The following CSMD2 variants were observed in gnomAD, a reference collection of about 807,000 sequenced individuals.
The protein encoded by CSMD2 is CUB and Sushi multiple domains 2.
A neutral mutation model predicts 398.5 loss-of-function variants in CSMD2; 130 were observed. That is an observed-to-expected ratio of 0.33 (90% CI 0.28 to 0.38). The LOEUF (loss-of-function observed/expected upper bound fraction) is 0.38, where lower values mean the gene tolerates loss of function less well. Ranked by LOEUF, CSMD2 falls within the 10% of genes least tolerant of loss-of-function variation. The pLI is 1.00. For missense variants in CSMD2, 3,829 were observed against 4,764.9 expected, an observed-to-expected ratio of 0.80 and a Z score of 5.78; for synonymous variants, 1,828 against 1,908.5, an observed-to-expected ratio of 0.96 and a Z score of 1.10.
intron 2 of CSMD2, among the ~76,000 whole-genome samples, chr1:34,044,359 C>T (rs957881671): frequency 1.8e-4 from 27 of 152,108 alleles, no homozygotes; most frequent in African/African-American, 5.8e-4. Flanking sequence ...CAATGTAAAC[C>T]TTCAAGGCTG....
chr1:34,073,938 C>A (rs1484403455), intron 2 of CSMD2, among the ~76,000 whole-genome samples: 1 of 152,198 alleles, frequency 6.6e-6, no homozygotes, highest in Admixed American at 6.5e-5. Context: ...ACAATCACGG[C>A]ATAAGGCAAA....
intron 10 of CSMD2, among the ~76,000 whole-genome samples, chr1:33,809,995 C>T (rs1251826142): frequency 6.6e-6 from 1 of 151,900 alleles, no homozygotes; most frequent in East Asian, 1.9e-4. Flanking sequence ...AAGTTTATTG[C>T]AAGCCATTAA....
chr1:34,110,339 A>G (rs1323422002), intron 1 of CSMD2, among the ~76,000 whole-genome samples: 1 of 152,208 alleles, frequency 6.6e-6, no homozygotes, highest in Non-Finnish European at 1.5e-5. Flanking sequence ...CAATCCCATT[A>G]CTGGGTATAT....
intron 5 of CSMD2, among the ~76,000 whole-genome samples, chr1:33,894,351 G>A (rs1642240214): frequency 6.6e-6 from 1 of 152,182 alleles, no homozygotes; most frequent in Non-Finnish European, 1.5e-5. Flanking sequence ...CCCAGTGTCT[G>A]CATCCCTGTG....
intron 31 of CSMD2, among the ~76,000 whole-genome samples, chr1:33,634,455 G>A (rs1642673850): frequency 6.6e-6 from 1 of 152,178 alleles, no homozygotes; most frequent in African/African-American, 2.4e-5. Flanking sequence ...GTCGGGACAT[G>A]TTGATGTCCT....
intron 55 of CSMD2, among the ~76,000 whole-genome samples, chr1:33,553,614 A>G (rs1225360216): frequency 6.6e-6 from 1 of 152,212 alleles, no homozygotes; most frequent in Non-Finnish European, 1.5e-5. Flanking sequence ...TTAAAAGCTT[A>G]GTGAGGAAGG....
chr1:33,940,732 T>C (rs1221334603), intron 3 of CSMD2, among the ~76,000 whole-genome samples: 2 of 152,200 alleles, frequency 1.3e-5, no homozygotes, highest in African/African-American at 4.8e-5. Context: ...GGGTGCTTAA[T>C]AAACAAGAGT....
At chr1:33,705,739 A>G (rs765290994) in intron 22 of CSMD2, among the ~76,000 whole-genome samples, 2 of 151,194 alleles carry the variant, frequency 1.3e-5, no homozygotes, top group Non-Finnish European at 2.9e-5. Context: ...GTTCCTAAAC[A>G]TTCCTTCTCT....
At chr1:33,829,147 G>A (rs369244106) in intron 6 of CSMD2, among the ~76,000 whole-genome samples, 1 of 152,138 alleles carries the variant, frequency 6.6e-6, no homozygotes, top group Non-Finnish European at 1.5e-5. Context: ...GGGAAATACA[G>A]GGGTCACAGC....
intron 1 of CSMD2, among the ~76,000 whole-genome samples, chr1:34,113,600 G>GAA (rs1661313014): frequency 6.6e-6 from 1 of 152,160 alleles, no homozygotes; most frequent in Non-Finnish European, 1.5e-5. Flanking sequence ...GGCAGTGGGG[G>GAA]AAAGGTGCCT....
chr1:33,933,366 G>A (rs1380949810), intron 4 of CSMD2, among the ~76,000 whole-genome samples: 1 of 152,134 alleles, frequency 6.6e-6, no homozygotes, highest in Non-Finnish European at 1.5e-5. Context: ...ATTGGATATT[G>A]CTGAGTATTT....
intron 6 of CSMD2, among the ~76,000 whole-genome samples, chr1:33,837,465 T>TC (rs372715610): frequency 0.79 from 119,220 of 151,804 alleles, 47,663 homozygotes; most frequent in East Asian, 0.94. Flanking sequence ...AAAAAGAAGT[T>TC]TTTTACTATC....
At chr1:33,736,237 C>T (rs752967839) in intron 15 of CSMD2, among the ~76,000 whole-genome samples, 2 of 152,068 alleles carry the variant, frequency 1.3e-5, no homozygotes, top group Non-Finnish European at 2.9e-5. Context: ...AATAGTGAGC[C>T]GCGGGAGGCT....
At chr1:33,904,788 A>G (rs1484567704) in intron 5 of CSMD2, among the ~76,000 whole-genome samples, 3 of 152,116 alleles carry the variant, frequency 2.0e-5, no homozygotes, top group Non-Finnish European at 2.9e-5. Flanking sequence ...CTAGGACTAC[A>G]GTCGCCCACC....
intron 32 of CSMD2, among the ~76,000 whole-genome samples, chr1:33,631,416 A>G (rs1468361545): frequency 1.3e-5 from 2 of 152,134 alleles, no homozygotes; most frequent in East Asian, 3.9e-4. Flanking sequence ...ATAATGAGAC[A>G]AATTTATTTG....
rs1357349676 is a variant in CSMD2, at chr1:33,533,394, T to C, written c.9992-165A>G. On this transcript the variant is annotated intron_variant, in intron 63 of 70. Transcript: ENST00000373381. This position sits in a 1 kb window ranked among gnomAD's most constrained non-coding sequence, Gnocchi z 4.2. ...ATCCTCCACCCTAACCCAAGCTCTG[T>C]GTCTAGAGGAATGGCCAAGATGGAG... Among the ~76,000 whole-genome samples, 2 of 152,100 alleles carry C rather than the reference T, an allele frequency of 1.3e-5. No individual in the cohort carries two copies. Among genetic ancestry groups the C allele is most frequent in the Non-Finnish European group, 2.9e-5 (2 of 68,000 alleles).
intron 3 of CSMD2, among the ~76,000 whole-genome samples, chr1:34,026,797 A>G (rs1649710179): frequency 3.3e-5 from 5 of 152,206 alleles, no homozygotes; most frequent in Admixed American, 1.3e-4. Context: ...GGAAGACTGG[A>G]AACATCAGAT....
intron 1 of CSMD2, among the ~76,000 whole-genome samples, chr1:34,136,898 T>C (rs910104317): frequency 6.6e-6 from 1 of 152,112 alleles, no homozygotes; most frequent in Non-Finnish European, 1.5e-5. Context: ...ATAATCTCTA[T>C]CAAGCCAATC....
chr1:33,536,190 TC>T (rs1309602892), intron 62 of CSMD2, among the ~76,000 whole-genome samples: 2 of 152,164 alleles, frequency 1.3e-5, no homozygotes, highest in African/African-American at 4.8e-5. Flanking sequence ...CACCTAATTG[TC>T]CTGCCTTGAA....
Sources: allele counts gnomAD v4.1 joint callset (sites outside exome capture counted in the v4.1 genomes callset), GRCh38; gene constraint gnomAD v4.1.1; non-coding constraint Gnocchi (gnomAD v3.1); transcripts MANE v1.5; gene names NCBI Gene and HGNC (gene_info 2026-07-23, HGNC 2026-07-21).